The following SLC29A1 variants were observed in gnomAD, a reference collection of about 807,000 sequenced individuals.
SLC29A1 encodes the protein solute carrier family 29 member 1 (Augustine blood group).
In SLC29A1, 22 loss-of-function variants were observed where a neutral mutation model predicts 48.3. That is an observed-to-expected ratio of 0.46 (90% CI 0.33 to 0.65). The LOEUF (loss-of-function observed/expected upper bound fraction) is 0.65. Ranked by LOEUF, SLC29A1 falls within the 30% of genes least tolerant of loss-of-function variation. SLC29A1 has a pLI of 0.03. For missense variants in SLC29A1, 491 were observed against 575.3 expected (o/e 0.85, Z 1.50); for synonymous variants, 228 against 231.0 (o/e 0.99, Z 0.12).
intron 1 of SLC29A1, among the ~76,000 whole-genome samples, chr6:44,225,201 C>A (rs537221269): frequency 6.6e-6 from 1 of 152,030 alleles, no homozygotes; most frequent in Non-Finnish European, 1.5e-5. Flanking sequence ...GTCCCTACTA[C>A]CTAATAGAAA....
rs761946524 is a variant in SLC29A1 at position 44,232,932 on chromosome 6, G to T, written c.1185G>T (p.Trp395Cys). Reference sequence around the variant, plus strand: ...CTGTGGTCTTCGAGCACGATGCCTGGTTCATCTTCTTCATGGCTGCCTTTG... The same window carrying T: ...CTGTGGTCTTCGAGCACGATGCCTGTTTCATCTTCTTCATGGCTGCCTTTG... ...YLTVVFEHDA[W>C]FIFFMAAFAF... is the part of the protein sequence containing the mutation. Residue 395 changes from tryptophan (W) to cysteine (C), a missense_variant, in exon 12 of 13, where the codon TGG becomes TGT. By Grantham distance (215) the Trp-to-Cys change is radical. Transcript: ENST00000371755. The surrounding 1 kb of genome is among the most constrained non-coding windows in gnomAD (Gnocchi z 4.7). 1.2e-6 allele frequency: 2 copies of T among 1,614,146 alleles called. No homozygotes were observed. Among genetic ancestry groups the T allele is most frequent in the Admixed American group, 1.7e-5 (1 of 60,026 alleles).
rs1776842060 is a variant in SLC29A1, at chr6:44,223,914, C to T, written c.-52+273C>T. The T allele has an allele frequency of 1.0e-6, 1 of 993,854 alleles. No individual in the cohort carries two copies. The highest frequency in any genetic ancestry group is 1.2e-6 in the Non-Finnish European group (1 of 835,574). 61.6% of individuals were successfully genotyped at this position (993,854 alleles called of 1,614,324 possible). A position where few individuals can be genotyped will look rare whatever the true frequency, so the allele number is the denominator to read the frequency against. On this transcript the variant is annotated intron_variant, in intron 1 of 12. Transcript: ENST00000371755. This position sits in a 1 kb window ranked among gnomAD's most constrained non-coding sequence, Gnocchi z 5.0. The stretch of plus-strand genomic sequence containing the variant: ...AACAGGCTGCGGTCACGTTGACCTC[C>T]GCAAGGGGCAGGCGAGTGGACGGGT...
Position 44,233,466 on chromosome 6 carries a change from T to A in SLC29A1, c.1309T>A (p.Phe437Ile). Residue 437 changes from phenylalanine (F) to isoleucine (I), a missense_variant, in exon 13 of 13, where the codon TTC (phenylalanine) becomes ATC (isoleucine). Transcript: ENST00000371755. ...AETAGAIMAF[F>I]LCLGLALGAV... ...GACCGCAGGAGCCATCATGGCCTTC[T>A]TCCTGTGTCTGGGTCTGGCACTGGG... 6.2e-7 allele frequency: 1 copy of A among 1,614,186 alleles called. No individual in the cohort carries two copies. The highest frequency in any genetic ancestry group is 2.2e-5 in the East Asian group (1 of 44,886).
In SLC29A1 at chr6:44,232,879, T is replaced by G; in HGVS notation, c.1132T>G (p.Cys378Gly). ...RLVFVPLLLL[C>G]NIKPRRYLTV... ...GGTGTTTGTGCCACTGCTGCTGCTGTGCAACATTAAGCCCCGCCGCTACCT... is the reference window on the plus strand; with the variant it reads ...GGTGTTTGTGCCACTGCTGCTGCTGGGCAACATTAAGCCCCGCCGCTACCT... Residue 378 changes from cysteine to glycine, a missense_variant, in exon 12 of 13, where the codon TGC becomes GGC. By Grantham distance (159) the Cys-to-Gly change is radical (BLOSUM62 -3). Coordinates refer to ENST00000371755, the MANE Select transcript of SLC29A1 (RefSeq NM_001372327.1). The surrounding 1 kb of genome is among the most constrained non-coding windows in gnomAD (Gnocchi z 4.7). 6.2e-7 allele frequency: 1 copy of G among 1,614,104 alleles called. No homozygotes were observed. The highest frequency in any genetic ancestry group is 8.5e-7 in the Non-Finnish European group (1 of 1,180,036).
intron 1 of SLC29A1, 30 bp from the exon 2 acceptor site, chr6:44,227,233 A>G: frequency 6.2e-7 from 1 of 1,600,078 alleles, no homozygotes; most frequent in Non-Finnish European, 8.5e-7. Flanking sequence ...GGGCCAAGAC[A>G]GGGCCTCACA....
chr6:44,221,676 C>T (rs751129302), upstream of SLC29A1: 6 of 1,288,474 alleles, frequency 4.7e-6, no homozygotes, highest in Non-Finnish European at 6.1e-6. This position sits in a 1 kb window ranked among gnomAD's most constrained non-coding sequence, Gnocchi z 4.2. Context: ...AAACTCCAGG[C>T]AAGGCCTGTG....
At chr6:44,220,169 T>G (rs879942519), upstream of SLC29A1, among the ~76,000 whole-genome samples, 40 of 151,962 alleles carry the variant, frequency 2.6e-4, no homozygotes, top group Non-Finnish European at 5.3e-4. Context: ...GATGTTTTAT[T>G]CATCATGGAG....
In SLC29A1 at chr6:44,229,203, C is replaced by T. The variant is rs1399857230; in HGVS notation, c.30-187C>T. ...CCTGACCCCATCCCCACCCCAAATT[C>T]CAACGAGCAATGTACCCTTTTCTCC... On this transcript the variant is annotated intron_variant, in intron 2 of 12. Transcript: ENST00000371755. The surrounding 1 kb of genome is among the most constrained non-coding windows in gnomAD (Gnocchi z 5.1). Among the ~76,000 whole-genome samples, 3 of 152,106 alleles carry T rather than the reference C, an allele frequency of 2.0e-5. No homozygotes were observed. Among genetic ancestry groups the T allele is most frequent in the Non-Finnish European group, 4.4e-5 (3 of 67,996 alleles).
chr6:44,230,683 GCTGGGGTTTGGGGTATAGGGGT>G lies in SLC29A1; in HGVS notation c.687+27_687+48del. On this transcript the variant is annotated intron_variant, in intron 7 of 12. Transcript: ENST00000371755. ...CCCGCCTGGTGAGTAAATGGAGGGA[GCTGGGGTTTGGGGTATAGGGGT>G]CTGGGGTTCCAGACCACGGGTGTTC... 1 of 1,578,348 alleles carries G rather than the reference GCTGGGGTTTGGGGTATAGGGGT, an allele frequency of 6.3e-7. No individual in the cohort carries two copies. Among genetic ancestry groups the G allele is most frequent in the South Asian group, 1.1e-5 (1 of 90,348 alleles).
rs1778368342 is a variant in SLC29A1, at chr6:44,229,570, C to T, written c.112-19C>T. 1 of 1,613,078 alleles carries T rather than the reference C, an allele frequency of 6.2e-7. No homozygotes were observed. Among genetic ancestry groups the T allele is most frequent in the Admixed American group, 1.7e-5 (1 of 59,992 alleles). Reference sequence around the variant, plus strand: ...CACAGGGAAAGAGATTTCAACACTCCTCTCTGCAACCCCTGCAGTATTTCA... The same window carrying T: ...CACAGGGAAAGAGATTTCAACACTCTTCTCTGCAACCCCTGCAGTATTTCA... On this transcript the variant is annotated intron_variant, in intron 3 of 12. Transcript: ENST00000371755. The surrounding 1 kb of genome is among the most constrained non-coding windows in gnomAD (Gnocchi z 5.1).
At position 44,229,434 on chromosome 6, in the gene SLC29A1, C is replaced by T. The variant is rs778956360; in HGVS notation, c.74C>T (p.Thr25Met). 3.7e-5 allele frequency: 59 copies of T among 1,613,996 alleles called. 2 individuals carry two copies. In the South Asian group the frequency reaches 4.3e-4, roughly 12 times the overall value. ...ATCTTCTTCATGCTGGGTCTGGGAA[C>T]GCTGCTCCCGTGGAATTTTTTCATG... ...WLIFFMLGLGTLLPWNFFMTA... is the reference protein window; with the variant it reads ...WLIFFMLGLGMLLPWNFFMTA... The change falls in exon 3 of 13, where the codon ACG (threonine) becomes ATG (methionine). Residue 25 changes from threonine (T) to methionine (M), a missense_variant. Thr to Met is a moderately conservative substitution (Grantham distance 81). Coordinates refer to ENST00000371755, the MANE Select transcript of SLC29A1 (RefSeq NM_001372327.1). This position sits in a 1 kb window ranked among gnomAD's most constrained non-coding sequence, Gnocchi z 5.1.
Position 44,229,286 on chromosome 6 carries a change from T to C in SLC29A1, c.30-104T>C. ...ACACAAACACAGACGCCCTGTGCCCTGGGACCTAGAGAGACTGACAACGGA... is the reference window on the plus strand; with the variant it reads ...ACACAAACACAGACGCCCTGTGCCCCGGGACCTAGAGAGACTGACAACGGA... On this transcript the variant is annotated intron_variant, in intron 2 of 12. Transcript: ENST00000371755. The surrounding 1 kb of genome is among the most constrained non-coding windows in gnomAD (Gnocchi z 5.1). The C allele has an allele frequency of 1.1e-6, 1 of 880,512 alleles. No homozygotes were observed. Among genetic ancestry groups the C allele is most frequent in the Non-Finnish European group, 1.9e-6 (1 of 513,608 alleles). The allele number at this position is 880,512 out of a possible 1,614,324, so 54.5% of individuals were successfully genotyped here.
At chr6:44,224,753 G>A (rs1777111729) in intron 1 of SLC29A1, among the ~76,000 whole-genome samples, 1 of 152,180 alleles carries the variant, frequency 6.6e-6, no homozygotes, top group Admixed American at 6.5e-5. Flanking sequence ...TCTGGAGGCA[G>A]GGAGGTACTC....
At chr6:44,223,505 C>T, upstream of SLC29A1, 3 of 952,250 alleles carry the variant, frequency 3.2e-6, no homozygotes, top group South Asian at 9.7e-5. This position sits in a 1 kb window ranked among gnomAD's most constrained non-coding sequence, Gnocchi z 5.0. Context: ...GGCGGGGCCG[C>T]GGGCGTCGGG....
At chr6:44,227,439 G>C in intron 2 of SLC29A1, 97 bp downstream of exon 2, 1 of 1,081,878 alleles carries the variant, frequency 9.2e-7, no homozygotes, top group Non-Finnish European at 1.4e-6. Flanking sequence ...TTGCTGGCTG[G>C]CCTTCCAGCC....
Position 44,230,552 on chromosome 6 carries a change from A to G in SLC29A1, c.590-16A>G. 2 of 1,614,020 alleles carry G rather than the reference A, an allele frequency of 1.2e-6. No individual in the cohort carries two copies. The highest frequency in any genetic ancestry group is 2.7e-5 in the African/African-American group (2 of 75,044). Reference sequence around the variant, plus strand: ...GAGGGGATGGGGCCTGTCTCTGATCACTGACACCACCCCAGGTGGCTCGGA... The same window carrying G: ...GAGGGGATGGGGCCTGTCTCTGATCGCTGACACCACCCCAGGTGGCTCGGA... On this transcript the variant is annotated splice_polypyrimidine_tract_variant and intron_variant, in intron 6 of 12. Transcript: ENST00000371755.
chr6:44,233,533 G>C lies in SLC29A1; in HGVS notation c.*5G>C. On this transcript the variant is annotated 3_prime_UTR_variant, in exon 13 of 13. Transcript: ENST00000371755. ...CTGTTCCGGGCAATTGTGTGACAAAGGATGGACAGAAGGACTGCCTGCCTC... is the reference window on the plus strand; with the variant it reads ...CTGTTCCGGGCAATTGTGTGACAAACGATGGACAGAAGGACTGCCTGCCTC... 6.2e-7 allele frequency: 1 copy of C among 1,608,838 alleles called. No homozygotes were observed.
At chr6:44,230,293 C>A in intron 5 of SLC29A1, 54 bp from the exon 6 acceptor site, 2 of 1,582,884 alleles carry the variant, frequency 1.3e-6, no homozygotes, top group South Asian at 2.3e-5. Flanking sequence ...TCTTCTTGGG[C>A]ACCCCCAACC....
chr6:44,223,475 G>C (rs1402985377), upstream of SLC29A1: 45 of 944,172 alleles, frequency 4.8e-5, no homozygotes, highest in Middle Eastern at 5.3e-4. The surrounding 1 kb of genome is among the most constrained non-coding windows in gnomAD (Gnocchi z 5.0). Context: ...GTCGCCGCGG[G>C]GTGGCAGGGG....
Sources: allele counts gnomAD v4.1 joint callset (sites outside exome capture counted in the v4.1 genomes callset), GRCh38; gene constraint gnomAD v4.1.1; non-coding constraint Gnocchi (gnomAD v3.1); transcripts MANE v1.5; gene names NCBI Gene and HGNC (gene_info 2026-07-23, HGNC 2026-07-21).